The following IHO1 variants were observed in gnomAD, a reference collection of about 807,000 sequenced individuals.
IHO1 encodes the protein interactor of HORMAD1 1, also known as interactor of HORMAD1 protein 1.
IHO1 carries 13 observed loss-of-function variants against 31.0 expected under a neutral mutation model. The observed-to-expected ratio is 0.42, with a 90% confidence interval of 0.27 to 0.67. The LOEUF is 0.67. IHO1 is among the 30% of genes least tolerant of loss of function. The pLI, the probability that IHO1 is intolerant of heterozygous loss-of-function variation, is 0.24. For synonymous variants in IHO1, 221 were observed against 248.4 expected (o/e 0.89, Z 1.04); for missense variants, 599 against 687.5 (o/e 0.87, Z 1.44).
intron 6 of IHO1, among the ~76,000 whole-genome samples, chr3:49,247,204 C>T (rs565984208): frequency 6.6e-6 from 1 of 151,356 alleles, no homozygotes; most frequent in African/African-American, 2.4e-5. Flanking sequence ...GTGGTGGCTC[C>T]TGCCTATAAT....
intron 2 of IHO1, among the ~76,000 whole-genome samples, chr3:49,212,656 C>A (rs184710456): frequency 6.6e-6 from 1 of 151,896 alleles, no homozygotes; most frequent in African/African-American, 2.4e-5. Flanking sequence ...TTCTTAAAAG[C>A]GGCATGTCCA....
chr3:49,257,163 C>A lies in IHO1; in HGVS notation c.1666C>A (p.Gln556Lys), dbSNP rs774548348. The change falls in exon 8 of 8, where the codon CAG becomes AAG. Residue 556 changes from glutamine to lysine, a missense_variant. Physicochemically the swap from Gln to Lys is moderately conservative, Grantham distance 53. Coordinates refer to ENST00000452691, the MANE Select transcript of IHO1 (RefSeq NM_001135197.2). The part of the protein sequence containing the change: ...LLSSSSQGDH[Q>K]MSWFSDLNLG... ...TTCCAGCAGTTCCCAGGGGGACCAC[C>A]AGATGAGCTGGTTCAGTGACCTCAA... is the stretch of plus-strand genomic sequence containing the variant. 1.2e-5 allele frequency: 19 copies of A among 1,614,066 alleles called. No homozygotes were observed. Among genetic ancestry groups the A allele is most frequent in the Admixed American group, 1.7e-5 (1 of 59,978 alleles).
At chr3:49,250,983 C>A (rs1311194946) in intron 6 of IHO1, among the ~76,000 whole-genome samples, 1 of 151,964 alleles carries the variant, frequency 6.6e-6, no homozygotes, top group African/African-American at 2.4e-5. Context: ...AAGATCGCGC[C>A]ACTGCACTCC....
chr3:49,241,158 T>C, intron 3 of IHO1, 68 bp from the exon 4 acceptor site: 2 of 1,324,768 alleles, frequency 1.5e-6, no homozygotes. Flanking sequence ...CTCTGCATTG[T>C]ACAGAAAATA....
chr3:49,233,584 T>G (rs537100489), intron 2 of IHO1, among the ~76,000 whole-genome samples: 1 of 152,346 alleles, frequency 6.6e-6, no homozygotes, highest in African/African-American at 2.4e-5. Flanking sequence ...CTGTGTTGTT[T>G]GTCTTTGTAT....
At chr3:49,203,585 G>GT (rs1446310094) in intron 1 of IHO1, among the ~76,000 whole-genome samples, 1 of 152,184 alleles carries the variant, frequency 6.6e-6, no homozygotes, top group African/African-American at 2.4e-5. Context: ...GCTGGTGGCA[G>GT]TGGAGTAGGG....
At chr3:49,247,261 G>A (rs556607383) in intron 6 of IHO1, among the ~76,000 whole-genome samples, 135 of 148,810 alleles carry the variant, frequency 9.1e-4, no homozygotes, top group African/African-American at 3.1e-3. Flanking sequence ...ATGGAGTCTC[G>A]CTCTGTCACC....
chr3:49,253,428 A>C (rs930905313), intron 6 of IHO1, among the ~76,000 whole-genome samples: 2 of 152,076 alleles, frequency 1.3e-5, no homozygotes, highest in Non-Finnish European at 2.9e-5. Context: ...TGTCTCAAAA[A>C]AAGAAAGAAA....
At position 49,234,734 on chromosome 3, in the gene IHO1, C is replaced by T. The variant is rs180947510; in HGVS notation, c.57-1814C>T. ...GCTCTGTTCCTTCCCTGTAGGCACA[C>T]ACACTAAAATTAATGTGTACCCTCC... On this transcript the variant is annotated intron_variant, in intron 2 of 7. Transcript: ENST00000452691. Among the ~76,000 whole-genome samples, 5 of 152,312 alleles carry T rather than the reference C, an allele frequency of 3.3e-5. No homozygotes were observed. In the East Asian group the frequency reaches 9.6e-4, roughly 29 times the overall value.
At position 49,257,433 on chromosome 3, in the gene IHO1, T is replaced by A; in HGVS notation, c.*151T>A. 1 of 725,334 alleles carries A rather than the reference T, an allele frequency of 1.4e-6. No individual in the cohort carries two copies. The highest frequency in any genetic ancestry group is 2.3e-6 in the Non-Finnish European group (1 of 430,202). The allele number at this position is 725,334 out of a possible 1,614,324, so 44.9% of individuals were successfully genotyped here. ...GCAATGAGCACGAGGGCAGGGAAGG[T>A]CCAGCATTCTGGGTACCAGGTGCTG... On this transcript the variant is annotated 3_prime_UTR_variant, in exon 8 of 8. Coordinates refer to ENST00000452691, the MANE Select transcript of IHO1 (RefSeq NM_001135197.2).
intron 3 of IHO1, 100 bp downstream of exon 3, chr3:49,236,822 C>T (rs1420653003): frequency 1.2e-5 from 14 of 1,122,988 alleles, no homozygotes; most frequent in Non-Finnish European, 2.5e-6. Context: ...TGGCTGACAC[C>T]TGTAATCCCT....
chr3:49,230,639 T>TA (rs1458735715), intron 2 of IHO1, among the ~76,000 whole-genome samples: 8 of 152,222 alleles, frequency 5.3e-5, no homozygotes, highest in Non-Finnish European at 1.5e-5. Context: ...GCTCCAATGT[T>TA]ATGACCACTT....
In IHO1 at chr3:49,256,738, A is replaced by T; in HGVS notation, c.1241A>T (p.Gln414Leu). The T allele has an allele frequency of 6.2e-7, 1 of 1,614,242 alleles. No homozygotes were observed. Among genetic ancestry groups the T allele is most frequent in the African/African-American group, 1.3e-5 (1 of 75,072 alleles). The change falls in exon 8 of 8, where the codon CAA (glutamine) becomes CTA (leucine). Residue 414 changes from glutamine to leucine, a missense_variant. Physicochemically the swap from Gln to Leu is moderately radical, Grantham distance 113. Coordinates refer to ENST00000452691, the MANE Select transcript of IHO1 (RefSeq NM_001135197.2). The surrounding 1 kb of genome is among the most constrained non-coding windows in gnomAD (Gnocchi z 4.6). The stretch of plus-strand genomic sequence containing the variant: ...AATGCCTGCCAAAAATATCAAGCCC[A>T]AAGTATGTTTTTGTGTGACCCACGT... ...IKNACQKYQA[Q>L]SMFLCDPREH... is the part of the protein sequence containing the mutation.
chr3:49,223,338 A>G (rs577797346), intron 2 of IHO1, among the ~76,000 whole-genome samples: 1 of 152,254 alleles, frequency 6.6e-6, no homozygotes, highest in South Asian at 2.1e-4. Context: ...CTCCAGGCAC[A>G]GTGAAGGTGA....
At chr3:49,231,065 C>A (rs2046476324) in intron 2 of IHO1, among the ~76,000 whole-genome samples, 1 of 152,202 alleles carries the variant, frequency 6.6e-6, no homozygotes, top group Non-Finnish European at 1.5e-5. Context: ...TATTGCCCAA[C>A]AGCAGGACTT....
At chr3:49,209,808 G>A (rs1211179010) in intron 1 of IHO1, among the ~76,000 whole-genome samples, 4 of 149,832 alleles carry the variant, frequency 2.7e-5, no homozygotes. Context: ...TCTGCCTCCC[G>A]GGTTCATGCC....
At position 49,257,419 on chromosome 3, in the gene IHO1, G is replaced by A; in HGVS notation, c.*137G>A. ...CCTGCTGAGGTGGGGCAATGAGCAC[G>A]AGGGCAGGGAAGGTCCAGCATTCTG... On this transcript the variant is annotated 3_prime_UTR_variant, in exon 8 of 8. Transcript: ENST00000452691. The A allele has an allele frequency of 2.4e-6, 2 of 820,488 alleles. No homozygotes were observed. Among genetic ancestry groups the A allele is most frequent in the Non-Finnish European group, 2.0e-6 (1 of 511,432 alleles). The allele number at this position is 820,488 out of a possible 1,614,324, so 50.8% of individuals were successfully genotyped here.
chr3:49,191,429 C>A, the IHO1 span, among the ~76,000 whole-genome samples: 6 of 152,200 alleles, frequency 3.9e-5, no homozygotes, highest in Non-Finnish European at 2.9e-5. Context: ...AAAATGTTCC[C>A]AGACTAGAGA....
At chr3:49,244,566 TTA>T in intron 5 of IHO1, 78 bp from the exon 6 acceptor site, 2 of 1,375,388 alleles carry the variant, frequency 1.5e-6, no homozygotes, top group South Asian at 2.4e-5. Flanking sequence ...CTATCCCTAT[TTA>T]TCATGAAATG....
Sources: gnomAD v4.1 joint callset for allele counts (sites outside exome capture counted in the v4.1 genomes callset) on GRCh38, gnomAD v4.1.1 for gene constraint, Gnocchi (gnomAD v3.1) non-coding constraint, MANE v1.5 for transcripts, NCBI Gene and HGNC (gene_info 2026-07-23, HGNC 2026-07-21) for gene names.